The following STK39 variants were observed in gnomAD, a reference collection of about 807,000 sequenced individuals.
The protein encoded by STK39 is STE20/SPS1-related proline-alanine-rich protein kinase.
STK39 carries 20 observed loss-of-function variants against 77.8 expected under a neutral mutation model. The observed-to-expected ratio is 0.26, with a 90% CI of 0.18 to 0.37. The LOEUF (loss-of-function observed/expected upper bound fraction) is 0.37. Ranked by LOEUF, STK39 falls within the 10% of genes least tolerant of loss-of-function variation. The pLI, the probability that STK39 is intolerant of heterozygous loss-of-function variation, is 1.00. For synonymous variants in STK39, 246 were observed against 234.1 expected, an observed-to-expected ratio of 1.05 and a Z score of -0.47; for missense variants, 479 against 656.5, an observed-to-expected ratio of 0.73 and a Z score of 2.95.
intron 1 of STK39, among the ~76,000 whole-genome samples, chr2:168,216,957 G>A (rs1040082947): frequency 9.8e-5 from 15 of 152,314 alleles, no homozygotes; most frequent in African/African-American, 3.4e-4. Context: ...GCCCAGAGGG[G>A]CGCTGGTTGG....
intron 1 of STK39, among the ~76,000 whole-genome samples, chr2:168,207,890 T>A (rs369591718): frequency 2.0e-5 from 3 of 152,006 alleles, no homozygotes; most frequent in Non-Finnish European, 2.9e-5. Context: ...ACTCCCAAAG[T>A]CCACACCTTA....
intron 1 of STK39, among the ~76,000 whole-genome samples, chr2:168,208,625 G>C (rs981699887): frequency 5.3e-5 from 8 of 152,048 alleles, no homozygotes; most frequent in African/African-American, 1.9e-4. Flanking sequence ...TTCTCATTTA[G>C]ACACGTGTGA....
At chr2:168,134,637 C>A (rs1687785942) in intron 8 of STK39, among the ~76,000 whole-genome samples, 1 of 151,916 alleles carries the variant, frequency 6.6e-6, no homozygotes. Context: ...ATATAAGCAA[C>A]TCTCTGTCTA....
At chr2:168,018,538 AAAAGAAAGAAAGAAAGAAAGAAAGAAAG>A (rs60121657) in intron 14 of STK39, among the ~76,000 whole-genome samples, 19 of 85,490 alleles carry the variant, frequency 2.2e-4, no homozygotes, top group Admixed American at 1.9e-3. Context: ...GAAAAGAAAG[AAAAGAAAGAAAGAAAGAAAGAAAGAAAG>A]AAAGAAAGAA....
At chr2:168,093,799 T>C (rs187939800) in intron 10 of STK39, among the ~76,000 whole-genome samples, 43 of 152,328 alleles carry the variant, frequency 2.8e-4, no homozygotes, top group Non-Finnish European at 5.1e-4. Context: ...GGTCGCTGCA[T>C]GTCTCTACTG....
At chr2:168,002,453 C>G (rs184778561) in intron 16 of STK39, among the ~76,000 whole-genome samples, 1 of 152,298 alleles carries the variant, frequency 6.6e-6, no homozygotes, top group African/African-American at 2.4e-5. Context: ...CCAACATTTC[C>G]CTGGAGAGCT....
intron 1 of STK39, among the ~76,000 whole-genome samples, chr2:168,197,584 C>T (rs1158803456): frequency 1.3e-5 from 2 of 152,184 alleles, no homozygotes; most frequent in Non-Finnish European, 2.9e-5. Flanking sequence ...CCAATCATAT[C>T]TTACAAATGG....
At chr2:168,177,484 T>A (rs1318745909) in intron 2 of STK39, among the ~76,000 whole-genome samples, 1 of 152,140 alleles carries the variant, frequency 6.6e-6, no homozygotes, top group Non-Finnish European at 1.5e-5. Flanking sequence ...TAAAGTCAAA[T>A]AAGGTGATGA....
chr2:168,030,248 A>G (rs1490934074), intron 14 of STK39, among the ~76,000 whole-genome samples: 1 of 152,070 alleles, frequency 6.6e-6, no homozygotes, highest in Non-Finnish European at 1.5e-5. Context: ...TCAAAATAAT[A>G]ATAATAATCT....
rs568070816 is a variant in STK39, at chr2:168,071,551, T to G, written c.1242+3431A>C. Among the ~76,000 whole-genome samples the G allele has an allele frequency of 1.5e-4, 23 of 152,294 alleles. No individual in the cohort carries two copies. In the South Asian group the frequency reaches 4.8e-3, roughly 32 times the overall value. On this transcript the variant is annotated intron_variant, in intron 12 of 17. Transcript: ENST00000355999. Reference sequence around the variant, plus strand: ...ATAAGGTGCACTGTCAGAAGCTGTATATACTGATTGGTACAGCTATTGATA... The same window carrying G: ...ATAAGGTGCACTGTCAGAAGCTGTAGATACTGATTGGTACAGCTATTGATA...
chr2:167,963,409 A>G (rs73971301), intron 17 of STK39, among the ~76,000 whole-genome samples: 143 of 152,222 alleles, frequency 9.4e-4, no homozygotes, highest in Middle Eastern at 3.4e-3. Context: ...CTGTTTGCAT[A>G]TTACAAATTA....
intron 16 of STK39, among the ~76,000 whole-genome samples, chr2:168,007,231 A>T (rs914773065): frequency 3.9e-5 from 6 of 152,222 alleles, no homozygotes; most frequent in African/African-American, 1.4e-4. Context: ...CCTCAGGTGA[A>T]CTTATTTCAT....
chr2:168,191,156 T>C (rs1322636169), intron 1 of STK39, among the ~76,000 whole-genome samples: 3 of 152,196 alleles, frequency 2.0e-5, no homozygotes, highest in African/African-American at 7.2e-5. Flanking sequence ...TTTGCAGCTA[T>C]AGGCACGTTG....
chr2:168,016,387 CAAAAAAAAAAAAAA>C (rs869084308), intron 15 of STK39, among the ~76,000 whole-genome samples: 1 of 65,648 alleles, frequency 1.5e-5, no homozygotes, highest in African/African-American at 5.6e-5. Flanking sequence ...GGCCTTTGTT[CAAAAAAAAAAAAAA>C]AAAAAAAAAA....
intron 10 of STK39, 65 bp from the exon 11 acceptor site, chr2:168,075,296 A>C: frequency 6.2e-7 from 1 of 1,603,482 alleles, no homozygotes; most frequent in Admixed American, 1.7e-5. Flanking sequence ...CTGGTGCTGC[A>C]ACTTGGGTTA....
chr2:168,027,110 A>T lies in STK39; in HGVS notation c.1377-10015T>A, dbSNP rs10186213. Among the ~76,000 whole-genome samples, 118 of 152,230 alleles carry T rather than the reference A, an allele frequency of 7.8e-4. 1 individual carries two copies. Among genetic ancestry groups the T allele is most frequent in the Non-Finnish European group, 2.6e-4 (18 of 68,002 alleles). ...GTTGAGGTTGGAGGGTGGGTAAGGT[A>T]GGGGAAAGGAAACAGTTTGTGCCCT... On this transcript the variant is annotated intron_variant, in intron 14 of 17. Transcript: ENST00000355999.
chr2:168,192,748 A>G (rs1457299488), intron 1 of STK39, among the ~76,000 whole-genome samples: 1 of 152,250 alleles, frequency 6.6e-6, no homozygotes, highest in Non-Finnish European at 1.5e-5. Context: ...CATGTCTAGC[A>G]CTGAAGTGTT....
chr2:168,060,282 A>T (rs933260101), intron 14 of STK39, among the ~76,000 whole-genome samples: 1 of 152,220 alleles, frequency 6.6e-6, no homozygotes, highest in Non-Finnish European at 1.5e-5. Context: ...CCCTGAAAAA[A>T]ATTCATATGC....
intron 14 of STK39, among the ~76,000 whole-genome samples, chr2:168,021,905 CCCTT>C (rs1483716035): frequency 6.6e-6 from 1 of 152,010 alleles, no homozygotes; most frequent in Non-Finnish European, 1.5e-5. Flanking sequence ...TACCTGGTTG[CCCTT>C]CCAGGGGCAA....
Sources: allele counts gnomAD v4.1 joint callset (sites outside exome capture counted in the v4.1 genomes callset), GRCh38; gene constraint gnomAD v4.1.1; transcripts MANE v1.5; gene names NCBI Gene and HGNC (gene_info 2026-07-23, HGNC 2026-07-21).